DACH1: variants seen among roughly 807,000 people sequenced by gnomAD.
DACH1 encodes dachshund family transcription factor 1.
A neutral mutation model predicts 54.2 loss-of-function variants in DACH1; 12 were observed. The ratio of observed to expected loss-of-function variants is 0.22; its 90% CI spans 0.14 to 0.36. The LOEUF (loss-of-function observed/expected upper bound fraction) is 0.36, where lower values mean the gene tolerates loss of function less well. Ranked by LOEUF, DACH1 falls within the 10% of genes least tolerant of loss-of-function variation. DACH1 has a pLI of 1.00. For synonymous variants in DACH1, 386 were observed against 366.2 expected (o/e 1.05, Z -0.62); for missense variants, 805 against 929.8 (o/e 0.87, Z 1.75).
intron 3 of DACH1, among the ~76,000 whole-genome samples, chr13:71,614,410 G>C (rs551040656): frequency 3.0e-4 from 46 of 152,114 alleles, no homozygotes; most frequent in African/African-American, 1.1e-3. Context: ...CTGAGAAATA[G>C]CTTAACTTGA....
At chr13:71,643,327 T>C (rs1162720294) in intron 2 of DACH1, among the ~76,000 whole-genome samples, 1 of 152,226 alleles carries the variant, frequency 6.6e-6, no homozygotes, top group African/African-American at 2.4e-5. Context: ...TTTGCAATAC[T>C]CTTACCATAC....
At chr13:71,853,254 T>C (rs1873786335) in intron 1 of DACH1, among the ~76,000 whole-genome samples, 2 of 152,298 alleles carry the variant, frequency 1.3e-5, no homozygotes, top group African/African-American at 2.4e-5. Context: ...AACAGTTCAA[T>C]AGAAAAACTG....
intron 1 of DACH1, among the ~76,000 whole-genome samples, chr13:71,745,383 G>A (rs1884561033): frequency 6.6e-6 from 1 of 152,188 alleles, no homozygotes; most frequent in African/African-American, 2.4e-5. Flanking sequence ...ATGCATGTCA[G>A]ATATGACCTC....
intron 3 of DACH1, among the ~76,000 whole-genome samples, chr13:71,615,957 G>A (rs1245865337): frequency 6.6e-6 from 1 of 152,056 alleles, no homozygotes; most frequent in East Asian, 1.9e-4. Context: ...TCCCCAAAGA[G>A]CCCTATGTAA....
chr13:71,689,823 C>T (rs1241936048), intron 1 of DACH1, among the ~76,000 whole-genome samples: 1 of 152,092 alleles, frequency 6.6e-6, no homozygotes, highest in African/African-American at 2.4e-5. Flanking sequence ...GAGTTCCTGT[C>T]GTAGGTAGTT....
intron 1 of DACH1, among the ~76,000 whole-genome samples, chr13:71,748,283 GATAA>G (rs1884696545): frequency 6.6e-6 from 1 of 151,752 alleles, no homozygotes; most frequent in African/African-American, 2.4e-5. Flanking sequence ...CATTATCTAA[GATAA>G]ATAAAGTAAC....
At chr13:71,599,430 G>C (rs1043076265) in intron 3 of DACH1, among the ~76,000 whole-genome samples, 3 of 152,000 alleles carry the variant, frequency 2.0e-5, no homozygotes, top group African/African-American at 7.2e-5. Flanking sequence ...TAGAAAAATG[G>C]CATCCTCTTC....
chr13:71,687,471 A>G (rs973021313), intron 1 of DACH1, among the ~76,000 whole-genome samples: 9 of 152,198 alleles, frequency 5.9e-5, no homozygotes, highest in African/African-American at 2.2e-4. Flanking sequence ...CAATAAATAC[A>G]TAGAAAAAAA....
intron 3 of DACH1, among the ~76,000 whole-genome samples, chr13:71,582,664 A>G (rs1001679656): frequency 6.6e-6 from 1 of 152,142 alleles, no homozygotes; most frequent in Non-Finnish European, 1.5e-5. Context: ...ATAATATTAT[A>G]TTATAGGGTA....
At chr13:71,525,394 C>T (rs775428979) in intron 6 of DACH1, among the ~76,000 whole-genome samples, 4 of 151,974 alleles carry the variant, frequency 2.6e-5, no homozygotes, top group Non-Finnish European at 5.9e-5. Context: ...GATTCTTTAA[C>T]CAACTAATGG....
chr13:71,864,796 C>G (rs549847434), intron 1 of DACH1, among the ~76,000 whole-genome samples: 1 of 150,372 alleles, frequency 6.7e-6, no homozygotes, highest in Non-Finnish European at 1.5e-5. Flanking sequence ...TAGCATAAAA[C>G]TGGTCTGGCT....
chr13:71,770,970 T>C (rs1885829965), intron 1 of DACH1, among the ~76,000 whole-genome samples: 1 of 151,538 alleles, frequency 6.6e-6, no homozygotes, highest in Non-Finnish European at 1.5e-5. Context: ...GCAATTATTA[T>C]ACTGAAATGA....
intron 6 of DACH1, among the ~76,000 whole-genome samples, chr13:71,504,456 T>C (rs901726741): frequency 4.6e-5 from 7 of 152,172 alleles, no homozygotes; most frequent in Non-Finnish European, 7.3e-5. Flanking sequence ...ATTTATGCAT[T>C]CAAGGTAAAA....
chr13:71,573,492 C>G, intron 3 of DACH1: 1 of 711,518 alleles, frequency 1.4e-6, no homozygotes, highest in East Asian at 2.7e-5. Context: ...TCCAGGCATG[C>G]GGGGGTGGGT....
intron 1 of DACH1, among the ~76,000 whole-genome samples, chr13:71,735,583 GTATATGGGATATACGTA>G (rs1884064813): frequency 7.1e-6 from 1 of 140,912 alleles, no homozygotes; most frequent in South Asian, 2.1e-4. Flanking sequence ...GGATATACGT[GTATATGGGATATACGTA>G]TATGGGATAT....
chr13:71,494,495 A>G (rs958479771), intron 6 of DACH1, among the ~76,000 whole-genome samples: 5 of 152,142 alleles, frequency 3.3e-5, no homozygotes, highest in Non-Finnish European at 7.4e-5. Context: ...AGCACATTTC[A>G]GGTAGGGTAG....
chr13:71,797,020 C>T (rs1370925125), intron 1 of DACH1, among the ~76,000 whole-genome samples: 2 of 151,728 alleles, frequency 1.3e-5, no homozygotes, highest in Non-Finnish European at 2.9e-5. Context: ...ATTCCAAATA[C>T]ACCTAAGTTA....
intron 1 of DACH1, among the ~76,000 whole-genome samples, chr13:71,772,275 C>T (rs962481694): frequency 5.3e-5 from 8 of 151,670 alleles, no homozygotes; most frequent in African/African-American, 1.7e-4. Flanking sequence ...AATATGTGAG[C>T]ATGCCTAAAA....
chr13:71,631,002 T>C (rs1877060588), intron 2 of DACH1, among the ~76,000 whole-genome samples: 9 of 152,140 alleles, frequency 5.9e-5, no homozygotes, highest in Admixed American at 5.9e-4. Context: ...GAAACCAATC[T>C]ACGAATCTAA....
Sources: gnomAD v4.1 joint callset for allele counts (sites outside exome capture counted in the v4.1 genomes callset) on GRCh38, gnomAD v4.1.1 for gene constraint, MANE v1.5 for transcripts, NCBI Gene and HGNC (gene_info 2026-07-23, HGNC 2026-07-21) for gene names.